MARCHF1: variants seen among roughly 807,000 people sequenced by gnomAD.
MARCHF1 encodes membrane associated ring-CH-type finger 1.
In MARCHF1, 40 loss-of-function variants were observed where a neutral mutation model predicts 54.2. That is an observed-to-expected ratio of 0.74 (90% CI 0.57 to 0.96). The LOEUF is 0.96. MARCHF1 is among the 40% of genes least tolerant of loss of function. The probability of loss-of-function intolerance (pLI) is 0.00; values close to 1 mark genes in which losing one functional copy is unlikely to be tolerated. For missense variants in MARCHF1, 586 were observed against 656.5 expected (o/e 0.89, Z 1.17); for synonymous variants, 236 against 236.3 (o/e 1.00, Z 0.01).
chr4:164,058,779 G>A (rs1754548953), intron 2 of MARCHF1, among the ~76,000 whole-genome samples: 1 of 152,124 alleles, frequency 6.6e-6, no homozygotes, highest in Admixed American at 6.5e-5. Context: ...GGTGGAAAGG[G>A]GTAGTGGAAA....
At chr4:164,026,133 C>A (rs1753761681) in intron 2 of MARCHF1, among the ~76,000 whole-genome samples, 3 of 152,028 alleles carry the variant, frequency 2.0e-5, no homozygotes, top group Admixed American at 2.0e-4. Context: ...AAGATGGATT[C>A]ACAGCCAAAT....
chr4:164,230,282 C>A (rs1732379721), intron 1 of MARCHF1, among the ~76,000 whole-genome samples: 1 of 151,752 alleles, frequency 6.6e-6, no homozygotes, highest in Admixed American at 6.6e-5. Flanking sequence ...ATAATCCCAG[C>A]TACTCAGGAG....
At chr4:164,368,261 T>A (rs939732009) in intron 1 of MARCHF1, among the ~76,000 whole-genome samples, 4 of 151,412 alleles carry the variant, frequency 2.6e-5, no homozygotes, top group South Asian at 4.2e-4. Flanking sequence ...GAGATTTTTT[T>A]AAAATCATAA....
chr4:164,059,036 G>T (rs985725660), intron 2 of MARCHF1, among the ~76,000 whole-genome samples: 1 of 152,078 alleles, frequency 6.6e-6, no homozygotes, highest in Non-Finnish European at 1.5e-5. Context: ...TTGCAAAAAG[G>T]GCTCATAGGA....
intron 1 of MARCHF1, among the ~76,000 whole-genome samples, chr4:164,146,235 T>C (rs1333343617): frequency 1.4e-5 from 2 of 146,446 alleles, no homozygotes; most frequent in East Asian, 4.0e-4. Context: ...ATCGTGAAAA[T>C]GGCCATACTG....
rs1235657633 is a variant in MARCHF1 at position 164,024,885 on chromosome 4, T to C, written c.-247-36176A>G. ...ACCACAGGCTCAAAGTAAAGGGATA[T>C]AGAAAGATCTACCATGCAAATGGAA... On this transcript the variant is annotated intron_variant, in intron 2 of 9. Coordinates refer to ENST00000514618, the MANE Select transcript of MARCHF1 (RefSeq NM_001394959.1). Among the ~76,000 whole-genome samples the C allele has an allele frequency of 3.9e-5, 6 of 152,026 alleles. No individual in the cohort carries two copies. The South Asian group carries it at 6.2e-4, about 16-fold the overall frequency.
chr4:163,946,146 C>T (rs888610700), intron 3 of MARCHF1, among the ~76,000 whole-genome samples: 8 of 152,122 alleles, frequency 5.3e-5, no homozygotes, highest in Non-Finnish European at 1.0e-4. Flanking sequence ...ACTCTGGGCA[C>T]TTGGTATATC....
chr4:164,213,873 T>A (rs1271883793), intron 1 of MARCHF1, among the ~76,000 whole-genome samples: 1 of 152,022 alleles, frequency 6.6e-6, no homozygotes, highest in Non-Finnish European at 1.5e-5. Context: ...ATGTAAATAA[T>A]CTTCATCTTA....
In MARCHF1 at chr4:163,829,514, G is replaced by A. The variant is rs529262195; in HGVS notation, c.111+24507C>T. On this transcript the variant is annotated intron_variant, in intron 4 of 9. Coordinates refer to ENST00000514618, the MANE Select transcript of MARCHF1 (RefSeq NM_001394959.1). ...TTAAGTCACCCACAGAGCAAGAAAC[G>A]TCAAAATTCAGGAGTTGCCAAATCT... Among the ~76,000 whole-genome samples, 8 of 152,138 alleles carry A rather than the reference G, an allele frequency of 5.3e-5. No individual in the cohort carries two copies. The South Asian group carries it at 6.2e-4, about 12-fold the overall frequency.
At chr4:163,535,859 G>T (rs919430156) in intron 9 of MARCHF1, among the ~76,000 whole-genome samples, 1 of 151,846 alleles carries the variant, frequency 6.6e-6, no homozygotes, top group African/African-American at 2.4e-5. Context: ...ACCACTGGGG[G>T]CAGTTTTGTT....
At chr4:163,648,311 T>C (rs1742833005) in intron 5 of MARCHF1, among the ~76,000 whole-genome samples, 1 of 151,920 alleles carries the variant, frequency 6.6e-6, no homozygotes, top group African/African-American at 2.4e-5. Flanking sequence ...AGTTTCAAGA[T>C]ATTAGGCTTG....
chr4:163,787,863 G>A (rs972524775), intron 4 of MARCHF1, among the ~76,000 whole-genome samples: 2 of 151,886 alleles, frequency 1.3e-5, no homozygotes, highest in South Asian at 2.1e-4. Context: ...CAAAAACATG[G>A]CATATACATG....
chr4:164,244,142 A>G (rs1360864703), intron 1 of MARCHF1, among the ~76,000 whole-genome samples: 1 of 151,996 alleles, frequency 6.6e-6, no homozygotes, highest in Non-Finnish European at 1.5e-5. Flanking sequence ...ACCCCAAATC[A>G]ACAGAATATA....
intron 4 of MARCHF1, among the ~76,000 whole-genome samples, chr4:163,809,638 G>A (rs1451821177): frequency 6.6e-6 from 1 of 152,090 alleles, no homozygotes; most frequent in Non-Finnish European, 1.5e-5. Context: ...ATATTATTGT[G>A]TGCAAAAGAT....
At chr4:164,252,051 T>C (rs1321050312) in intron 1 of MARCHF1, among the ~76,000 whole-genome samples, 3 of 152,100 alleles carry the variant, frequency 2.0e-5, no homozygotes, top group Admixed American at 6.6e-5. Context: ...TAAACTAAAA[T>C]GCATTAGAAT....
intron 5 of MARCHF1, among the ~76,000 whole-genome samples, chr4:163,623,101 T>G (rs1741744568): frequency 6.6e-6 from 1 of 152,256 alleles, no homozygotes; most frequent in East Asian, 1.9e-4. Flanking sequence ...TCACCTCCCA[T>G]TTTTCAACAG....
At chr4:163,632,915 G>A (rs1369874728) in intron 5 of MARCHF1, among the ~76,000 whole-genome samples, 2 of 152,228 alleles carry the variant, frequency 1.3e-5, no homozygotes, top group Non-Finnish European at 2.9e-5. Flanking sequence ...CGGGCAGACT[G>A]CCTCCTCAAG....
chr4:163,714,146 G>T (rs756219202), intron 4 of MARCHF1, among the ~76,000 whole-genome samples: 21 of 152,142 alleles, frequency 1.4e-4, no homozygotes, highest in Non-Finnish European at 2.6e-4. Flanking sequence ...GGGTTCAGTA[G>T]GATTTCTGGC....
chr4:163,615,724 A>G (rs1275344339), intron 5 of MARCHF1, among the ~76,000 whole-genome samples: 1 of 152,098 alleles, frequency 6.6e-6, no homozygotes, highest in Non-Finnish European at 1.5e-5. Flanking sequence ...TAGAAAAAAC[A>G]ATCCCAAAAT....
Sources: gnomAD v4.1 joint callset for allele counts (sites outside exome capture counted in the v4.1 genomes callset) on GRCh38, gnomAD v4.1.1 for gene constraint, MANE v1.5 for transcripts, NCBI Gene and HGNC (gene_info 2026-07-23, HGNC 2026-07-21) for gene names.